LMAN1L: variants seen among roughly 807,000 people sequenced by gnomAD.
LMAN1L encodes lectin, mannose binding 1 like.
In LMAN1L, 60 loss-of-function variants were observed where a neutral mutation model predicts 58.3. The observed-to-expected ratio is 1.03, with a 90% CI of 0.84 to 1.27. LMAN1L has a LOEUF of 1.27. Ranked by LOEUF, LMAN1L falls within the 50% of genes most tolerant of loss-of-function variation. LMAN1L has a pLI of 0.00. For synonymous variants in LMAN1L, 280 were observed against 271.6 expected (o/e 1.03, Z -0.31); for missense variants, 629 against 674.0 (o/e 0.93, Z 0.74).
At chr15:74,824,030 C>A in intron 12 of LMAN1L, 1 of 496,060 alleles carries the variant, frequency 2.0e-6, no homozygotes, top group East Asian at 3.4e-5. Context: ...TCCCCATGCC[C>A]TGTCCCATCC....
At chr15:74,819,371 C>A in intron 6 of LMAN1L, 99 bp downstream of exon 6, 2 of 1,454,050 alleles carry the variant, frequency 1.4e-6, no homozygotes, top group South Asian at 1.4e-5. Context: ...TCAGCCACTT[C>A]ACCACATGAC....
At chr15:74,823,826 C>T (rs12917376) in intron 12 of LMAN1L, 144 bp downstream of exon 12, 409,520 of 873,472 alleles carry the variant, frequency 0.47, 110,808 homozygotes, top group Non-Finnish European at 0.58. Context: ...TCTGTGCCTG[C>T]GTCAGTGTCT....
intron 1 of LMAN1L, among the ~76,000 whole-genome samples, chr15:74,813,810 G>A (rs1003608858): frequency 1.2e-4 from 18 of 152,264 alleles, no homozygotes; most frequent in African/African-American, 3.9e-4. Flanking sequence ...AAAGCAGATC[G>A]GCTGTGGATT....
In LMAN1L at chr15:74,820,768, G is replaced by A. The variant is rs1252592547; in HGVS notation, c.907+1G>A. The A allele has an allele frequency of 1.2e-6, 2 of 1,610,702 alleles. No homozygotes were observed. The highest frequency in any genetic ancestry group is 8.5e-7 in the Non-Finnish European group (1 of 1,178,240). ...TCAGACTCTGAAGCTCAAGGAGAAGGTAGGGACCGAGAGAGCGGGCAGGTG... is the reference window on the plus strand; with the variant it reads ...TCAGACTCTGAAGCTCAAGGAGAAGATAGGGACCGAGAGAGCGGGCAGGTG... On this transcript the variant is annotated splice_donor_variant, in intron 8 of 13. Transcript: ENST00000309664. LOFTEE classifies it high-confidence loss of function.
Position 74,824,403 on chromosome 15 carries a change from C to A in LMAN1L, c.1376C>A (p.Ser459Ter). The change falls in exon 13 of 14, where the codon TCG becomes TAG. Residue 459 changes from serine (S) to a stop codon, truncating the protein, a stop_gained. Coordinates refer to ENST00000309664, the MANE Select transcript of LMAN1L (RefSeq NM_021819.3). LOFTEE classifies it high-confidence loss of function. The part of the protein sequence containing the change: ...RPPGQPPRAS[S>*]CLQPGIFLFY... ...CCTGGCCAGCCCCCAAGGGCCTCCT[C>A]GTGCCTGCAGCCTGGCATCTTCCTG... The A allele has an allele frequency of 6.2e-7, 1 of 1,614,028 alleles. No homozygotes were observed. The highest frequency in any genetic ancestry group is 8.5e-7 in the Non-Finnish European group (1 of 1,179,832).
At chr15:74,825,047 T>C (rs186685083) in intron 13 of LMAN1L, 3 of 160,068 alleles carry the variant, frequency 1.9e-5, no homozygotes, top group Non-Finnish European at 2.7e-5. Flanking sequence ...TAGTTTTGCT[T>C]GGTGTGTGTT....
chr15:74,818,954 T>A (rs1461383454), intron 5 of LMAN1L, 137 bp downstream of exon 5: 2 of 977,694 alleles, frequency 2.0e-6, no homozygotes, highest in East Asian at 5.1e-5. Context: ...CCACAGGGGA[T>A]CCTCCATCCC....
chr15:74,821,217 C>CG lies in LMAN1L; in HGVS notation c.1052dup (p.Gly352ArgfsTer26). On this transcript the variant is annotated frameshift_variant, in exon 9 of 14. Coordinates refer to ENST00000309664, the MANE Select transcript of LMAN1L (RefSeq NM_021819.3). LOFTEE classifies it high-confidence loss of function. ...GGCCCCCAGGCCAAGCCAGGCCTGA[C>CG]GGAGGCTGGGTGAGAAGCCCTACAG... 1 of 1,549,300 alleles carries CG rather than the reference C, an allele frequency of 6.5e-7. No homozygotes were observed. Among genetic ancestry groups the CG allele is most frequent in the Non-Finnish European group, 8.7e-7 (1 of 1,147,000 alleles).
rs757378499 is a variant in LMAN1L, at chr15:74,816,184, G to A, written c.203G>A (p.Arg68Gln). The A allele has an allele frequency of 1.0e-5, 16 of 1,554,320 alleles. No homozygotes were observed. The highest frequency in any genetic ancestry group is 1.2e-5 in the Non-Finnish European group (14 of 1,149,586). The change falls in exon 2 of 14, where the codon CGG becomes CAG. Residue 68 changes from arginine (R) to glutamine (Q), a missense_variant. Arg to Gln is a conservative substitution (Grantham distance 43, BLOSUM62 1). Coordinates refer to ENST00000309664, the MANE Select transcript of LMAN1L (RefSeq NM_021819.3). ...GCCATCCTGGGCCTGGAGGAAGTGC[G>A]GCTGACGCCATCCATGAGGAACCGG... ...GDAILGLEEVRLTPSMRNRSG... is the reference protein window; with the variant it reads ...GDAILGLEEVQLTPSMRNRSG...
Position 74,820,896 on chromosome 15 carries a change from G to A in LMAN1L, c.907+129G>A, listed in dbSNP as rs541708762. 36 of 1,386,540 alleles carry A rather than the reference G, an allele frequency of 2.6e-5. No individual in the cohort carries two copies. In the African/African-American group the frequency reaches 3.8e-4, roughly 15 times the overall value. The allele number at this position is 1,386,540 out of a possible 1,614,324, so 85.9% of individuals were successfully genotyped here. On this transcript the variant is annotated intron_variant, in intron 8 of 13. Coordinates refer to ENST00000309664, the MANE Select transcript of LMAN1L (RefSeq NM_021819.3). Reference sequence around the variant, plus strand: ...GGAGGCCACATCTAAGCAGGCCCTGGGCCCAAGTGTTCTGTGCTATCCCCA... The same window carrying A: ...GGAGGCCACATCTAAGCAGGCCCTGAGCCCAAGTGTTCTGTGCTATCCCCA...
intron 1 of LMAN1L, among the ~76,000 whole-genome samples, chr15:74,814,971 T>C (rs565621408): frequency 1.3e-5 from 2 of 152,342 alleles, no homozygotes; most frequent in African/African-American, 4.8e-5. Context: ...CTCACTGCTA[T>C]GGGCCTTGCC....
Position 74,818,715 on chromosome 15 carries a change from C to T in LMAN1L, c.498-3C>T. On this transcript the variant is annotated splice_polypyrimidine_tract_variant and splice_region_variant and intron_variant, in intron 4 of 13. Coordinates refer to ENST00000309664, the MANE Select transcript of LMAN1L (RefSeq NM_021819.3). ...AACAAACAAATGAACAAACTGCCCA[C>T]AGGGATGGAGCTAGCCAAGGGCTGG... is the stretch of plus-strand genomic sequence containing the variant. 1 of 1,603,294 alleles carries T rather than the reference C, an allele frequency of 6.2e-7. No homozygotes were observed. The highest frequency in any genetic ancestry group is 8.5e-7 in the Non-Finnish European group (1 of 1,175,028).
intron 11 of LMAN1L, 152 bp downstream of exon 11, chr15:74,822,861 C>T: frequency 3.2e-6 from 2 of 628,040 alleles, no homozygotes; most frequent in East Asian, 2.8e-5. Flanking sequence ...GTTGAGTTGA[C>T]TTGAATTTAA....
chr15:74,821,761 C>A, intron 9 of LMAN1L, 68 bp from the exon 10 acceptor site: 1 of 1,038,372 alleles, frequency 9.6e-7, no homozygotes, highest in Non-Finnish European at 1.5e-6. Context: ...TTAGGCTGGG[C>A]TGCTAGTGTG....
intron 4 of LMAN1L, among the ~76,000 whole-genome samples, chr15:74,818,051 C>T (rs2063900127): frequency 1.3e-5 from 2 of 149,224 alleles, no homozygotes; most frequent in African/African-American, 2.5e-5. Context: ...GAAGGAGGGA[C>T]GTAAGGGTGA....
intron 1 of LMAN1L, 42 bp downstream of exon 1, chr15:74,813,071 C>CA (rs771881329): frequency 6.3e-7 from 1 of 1,578,180 alleles, no homozygotes; most frequent in Admixed American, 1.7e-5. Flanking sequence ...CAGGGTCCCT[C>CA]AAAGTGCTGG....
chr15:74,820,146 G>T, intron 7 of LMAN1L, 47 bp downstream of exon 7: 1 of 1,526,468 alleles, frequency 6.6e-7, no homozygotes, highest in Non-Finnish European at 9.1e-7. Flanking sequence ...CAGGGACCCT[G>T]CCCTCACCCA....
chr15:74,816,451 G>A lies in LMAN1L; in HGVS notation c.355G>A (p.Gly119Ser), dbSNP rs1029416875. Residue 119 changes from glycine (G) to serine (S), a missense_variant, in exon 3 of 14, where the codon GGC becomes AGC. Around this residue, in one of 3 missense-constraint regions of LMAN1L, gnomAD observed 573 missense variants for 597.3 expected, o/e 0.96. Transcript: ENST00000309664. ...GGCCGTGTGGTACACCCGGGGCAGG[G>A]GCCATGTAGGCTCTGTCCTTGGGGG... Reference protein sequence around the residue: ...GMAVWYTRGRGHVGSVLGGLA... With the variant: ...GMAVWYTRGRSHVGSVLGGLA... 6.4e-7 allele frequency: 1 copy of A among 1,553,688 alleles called. No individual in the cohort carries two copies.
intron 9 of LMAN1L, among the ~76,000 whole-genome samples, chr15:74,821,583 G>C (rs1015332616): frequency 6.6e-6 from 1 of 152,222 alleles, no homozygotes. Context: ...CATCTCCATT[G>C]CCATCTGGCT....
Sources: gnomAD v4.1 joint callset for allele counts (sites outside exome capture counted in the v4.1 genomes callset) on GRCh38, gnomAD v4.1.1 for gene constraint, gnomAD v4.1.1 regional missense constraint, MANE v1.5 for transcripts, NCBI Gene and HGNC (gene_info 2026-07-23, HGNC 2026-07-21) for gene names.